Variants in NRG3 observed in about 807,000 individuals in gnomAD.
NRG3 encodes neuregulin 3.
Under a neutral mutation model 66.9 loss-of-function variants are expected in NRG3, and 31 were observed. That is an observed-to-expected ratio of 0.46 (90% CI 0.35 to 0.63). The LOEUF is 0.63. NRG3 is among the 20% of genes least tolerant of loss of function. The pLI is 0.00. For missense variants in NRG3, 910 were observed against 878.9 expected (o/e 1.04, Z -0.45); for synonymous variants, 393 against 359.4 (o/e 1.09, Z -1.06).
chr10:81,877,902 G>A (rs1210392088), intron 1 of NRG3: 1 of 1,535,356 alleles, frequency 6.5e-7, no homozygotes, highest in Admixed American at 2.0e-5. Flanking sequence ...GATTGAAAAT[G>A]AGTCTACCCT....
At chr10:81,999,363 G>A (rs1375440674) in intron 1 of NRG3, among the ~76,000 whole-genome samples, 1 of 152,114 alleles carries the variant, frequency 6.6e-6, no homozygotes, top group African/African-American at 2.4e-5. Context: ...AAGTACGTTG[G>A]TGTTTTCAAC....
chr10:82,702,074 G>A (rs1159720238), intron 2 of NRG3, among the ~76,000 whole-genome samples: 7 of 152,156 alleles, frequency 4.6e-5, no homozygotes, highest in Non-Finnish European at 8.8e-5. Flanking sequence ...GAAGCAGCAG[G>A]AGGAAGAGAA....
intron 3 of NRG3, among the ~76,000 whole-genome samples, chr10:82,814,028 CCAGGAATGCTCTTCTTTT>C (rs1298177646): frequency 2.6e-5 from 4 of 152,160 alleles, no homozygotes; most frequent in Non-Finnish European, 5.9e-5. Context: ...CGGTTCACTC[CCAGGAATGCTCTTCTTTT>C]CATTGCTAAT....
At chr10:82,285,958 A>G (rs1298555590) in intron 1 of NRG3, among the ~76,000 whole-genome samples, 1 of 152,212 alleles carries the variant, frequency 6.6e-6, no homozygotes, top group Admixed American at 6.5e-5. Context: ...GGTTCCCAAG[A>G]ATTGTACAAA....
intron 2 of NRG3, among the ~76,000 whole-genome samples, chr10:82,432,227 C>T (rs574606961): frequency 3.3e-5 from 5 of 152,014 alleles, no homozygotes; most frequent in Admixed American, 1.3e-4. Context: ...GTTATCAAAT[C>T]GTGTATTTGT....
chr10:82,810,737 T>TAAA (rs750726119), intron 3 of NRG3, among the ~76,000 whole-genome samples: 47 of 69,830 alleles, frequency 6.7e-4, no homozygotes, highest in South Asian at 1.1e-3. Flanking sequence ...CACTCCAGCC[T>TAAA]AAAAAAAAAA....
chr10:81,952,768 AT>A (rs1217942897), intron 1 of NRG3, among the ~76,000 whole-genome samples: 3 of 150,940 alleles, frequency 2.0e-5, no homozygotes, highest in Non-Finnish European at 3.0e-5. Context: ...CTGCCTGGCT[AT>A]TTTTTTTTAA....
intron 2 of NRG3, among the ~76,000 whole-genome samples, chr10:82,361,876 A>C (rs2084161777): frequency 6.6e-6 from 1 of 152,008 alleles, no homozygotes. Context: ...TTTGTGTCTC[A>C]AAAGATTAGA....
intron 3 of NRG3, among the ~76,000 whole-genome samples, chr10:82,849,887 G>A (rs551048018): frequency 5.3e-5 from 8 of 152,186 alleles, no homozygotes; most frequent in African/African-American, 1.9e-4. Flanking sequence ...GCCATGGGAG[G>A]GATGTTCAAA....
chr10:81,944,517 G>C (rs971998132), intron 1 of NRG3, among the ~76,000 whole-genome samples: 2 of 152,136 alleles, frequency 1.3e-5, no homozygotes, highest in African/African-American at 4.8e-5. Flanking sequence ...TGGGGAAAAT[G>C]TTGTTTGAAA....
chr10:82,748,184 T>A lies in NRG3; in HGVS notation c.1027+9534T>A, dbSNP rs1363934913. ...ACATTTGGTAAGATTATTTCCTCAA[T>A]TTAAAAATATATAATTGGTTAAATA... On this transcript the variant is annotated intron_variant, in intron 3 of 8. Coordinates refer to ENST00000372141, the MANE Select transcript of NRG3 (RefSeq NM_001010848.4). Among the ~76,000 whole-genome samples the A allele has an allele frequency of 3.3e-5, 5 of 151,828 alleles. No homozygotes were observed. The East Asian group carries it at 9.6e-4, about 29-fold the overall frequency.
intron 1 of NRG3, among the ~76,000 whole-genome samples, chr10:82,052,573 G>A (rs1377628614): frequency 6.6e-6 from 1 of 152,146 alleles, no homozygotes; most frequent in Non-Finnish European, 1.5e-5. Context: ...TTCTATATTT[G>A]TTCCCTGATC....
chr10:82,263,785 T>A (rs923864604), intron 1 of NRG3, among the ~76,000 whole-genome samples: 2 of 152,198 alleles, frequency 1.3e-5, no homozygotes, highest in Non-Finnish European at 2.9e-5. Context: ...AGCACTAGTA[T>A]TCACAAGCCA....
At chr10:82,684,507 C>G (rs1228626319) in intron 2 of NRG3, among the ~76,000 whole-genome samples, 1 of 151,956 alleles carries the variant, frequency 6.6e-6, no homozygotes, top group Non-Finnish European at 1.5e-5. Context: ...TAGAAGTAAG[C>G]CAAAAATCAA....
At chr10:82,069,517 G>T (rs1474972292) in intron 1 of NRG3, among the ~76,000 whole-genome samples, 1 of 152,126 alleles carries the variant, frequency 6.6e-6, no homozygotes, top group Non-Finnish European at 1.5e-5. Flanking sequence ...GAGGTTTAGA[G>T]AATTTAAATA....
chr10:82,618,710 T>G (rs896454013), intron 2 of NRG3, among the ~76,000 whole-genome samples: 1 of 152,070 alleles, frequency 6.6e-6, no homozygotes, highest in Non-Finnish European at 1.5e-5. Context: ...AATTGTTAAA[T>G]AAACTATATT....
chr10:82,464,405 G>A (rs1261765464), intron 2 of NRG3, among the ~76,000 whole-genome samples: 1 of 152,160 alleles, frequency 6.6e-6, no homozygotes, highest in Admixed American at 6.5e-5. Flanking sequence ...CTCGATGGGG[G>A]GAAGGCTGAT....
chr10:82,112,027 G>A (rs1400269482), intron 1 of NRG3, among the ~76,000 whole-genome samples: 4 of 152,112 alleles, frequency 2.6e-5, no homozygotes, highest in Admixed American at 2.6e-4. Flanking sequence ...AGGATCACTT[G>A]AGACCAGGAG....
chr10:82,709,594 T>C (rs2134377757), intron 2 of NRG3, among the ~76,000 whole-genome samples: 1 of 152,226 alleles, frequency 6.6e-6, no homozygotes, highest in South Asian at 2.1e-4. Context: ...TTGACCAGGA[T>C]GGTCTGGATC....
Sources: allele counts gnomAD v4.1 joint callset (sites outside exome capture counted in the v4.1 genomes callset), GRCh38; gene constraint gnomAD v4.1.1; transcripts MANE v1.5; gene names NCBI Gene and HGNC (gene_info 2026-07-23, HGNC 2026-07-21).